The following MICU1 variants were observed in gnomAD, a reference collection of about 807,000 sequenced individuals.
The protein encoded by MICU1 is mitochondrial calcium uptake 1, also known as calcium uptake protein 1, mitochondrial.
Under a neutral mutation model 56.8 loss-of-function variants are expected in MICU1, and 45 were observed. The observed-to-expected ratio is 0.79, with a 90% CI of 0.62 to 1.02. MICU1 has a LOEUF of 1.02. Among genes scored for constraint, MICU1 ranks in the 50% least tolerant of loss-of-function variants. The pLI is 0.00. For missense variants in MICU1, 504 were observed against 587.1 expected (o/e 0.86, Z 1.46); for synonymous variants, 186 against 195.1 (o/e 0.95, Z 0.39).
intron 11 of MICU1, among the ~76,000 whole-genome samples, chr10:72,374,450 A>G (rs910165111): frequency 6.6e-6 from 1 of 152,198 alleles, no homozygotes; most frequent in Non-Finnish European, 1.5e-5. Context: ...AAATAACTCA[A>G]GTTCAACTTA....
At chr10:72,511,218 T>A (rs889228582) in intron 5 of MICU1, among the ~76,000 whole-genome samples, 1 of 152,194 alleles carries the variant, frequency 6.6e-6, no homozygotes, top group African/African-American at 2.4e-5. Flanking sequence ...AGGTTCACCA[T>A]GTTGTAGCAT....
intron 8 of MICU1, among the ~76,000 whole-genome samples, chr10:72,455,643 GAT>G (rs1472684953): frequency 6.6e-6 from 1 of 152,078 alleles, no homozygotes; most frequent in Non-Finnish European, 1.5e-5. Flanking sequence ...ATTTCCAAGT[GAT>G]ATTAATAGAC....
At chr10:72,595,447 C>CA (rs1255926638) in intron 1 of MICU1, among the ~76,000 whole-genome samples, 2,039 of 40,006 alleles carry the variant, frequency 0.051, 76 homozygotes, top group African/African-American at 0.13. Context: ...GACTCTGTCT[C>CA]AAAAAAAAAA....
intron 8 of MICU1, among the ~76,000 whole-genome samples, chr10:72,428,704 C>G (rs1864428639): frequency 6.6e-6 from 1 of 152,102 alleles, no homozygotes; most frequent in Non-Finnish European, 1.5e-5. Flanking sequence ...ACAGTCAGAC[C>G]AGGGAAAGGT....
At chr10:72,393,471 C>T (rs1019353038) in intron 10 of MICU1, among the ~76,000 whole-genome samples, 15 of 152,142 alleles carry the variant, frequency 9.9e-5, no homozygotes, top group Middle Eastern at 3.2e-3. Flanking sequence ...AAGGCCTTAA[C>T]TAACTCCAAT....
At chr10:72,523,880 T>C in intron 5 of MICU1, 1 of 1,519,226 alleles carries the variant, frequency 6.6e-7, no homozygotes, top group Non-Finnish European at 8.8e-7. Context: ...AAATATTTAG[T>C]TGCTTTTCCA....
chr10:72,541,230 A>G (rs1839767256), intron 4 of MICU1, among the ~76,000 whole-genome samples: 1 of 152,050 alleles, frequency 6.6e-6, no homozygotes, highest in Non-Finnish European at 1.5e-5. Flanking sequence ...CCTCCCTAAA[A>G]CTCCTTGCTC....
intron 4 of MICU1, among the ~76,000 whole-genome samples, chr10:72,544,776 T>A (rs80107217): frequency 6.6e-6 from 1 of 152,160 alleles, no homozygotes; most frequent in African/African-American, 2.4e-5. Flanking sequence ...ACAGAATATT[T>A]TTTTCCTTTT....
chr10:72,493,586 A>G (rs555801256), intron 6 of MICU1, among the ~76,000 whole-genome samples: 66 of 152,190 alleles, frequency 4.3e-4, no homozygotes, highest in Middle Eastern at 3.4e-3. Context: ...CTGAGTAGCT[A>G]GGACTATGGG....
chr10:72,509,355 C>A (rs1380469100), intron 5 of MICU1: 2 of 1,329,724 alleles, frequency 1.5e-6, no homozygotes, highest in African/African-American at 3.0e-5. Flanking sequence ...CCAACAAGCA[C>A]CATCACACCA....
intron 4 of MICU1, among the ~76,000 whole-genome samples, chr10:72,541,016 T>C (rs1181378708): frequency 3.3e-5 from 5 of 152,230 alleles, no homozygotes; most frequent in African/African-American, 1.2e-4. Context: ...AGAGCTCAGC[T>C]GAGAGCAGCA....
At chr10:72,394,888 CCTAA>C (rs1863195017) in intron 10 of MICU1, among the ~76,000 whole-genome samples, 1 of 151,552 alleles carries the variant, frequency 6.6e-6, no homozygotes, top group Non-Finnish European at 1.5e-5. Context: ...CTTTTAGAAA[CCTAA>C]CTATCTGGCC....
chr10:72,404,270 C>T (rs991792403), intron 10 of MICU1, among the ~76,000 whole-genome samples: 4 of 152,188 alleles, frequency 2.6e-5, no homozygotes, highest in African/African-American at 9.7e-5. Context: ...AGGCGTGAGC[C>T]ACCACGCCCA....
intron 1 of MICU1, among the ~76,000 whole-genome samples, chr10:72,621,703 C>T (rs1175832393): frequency 6.6e-6 from 1 of 151,986 alleles, no homozygotes; most frequent in East Asian, 1.9e-4. Context: ...AACAAGCTGG[C>T]TAATACATAA....
At chr10:72,424,974 T>C (rs1258963356) in intron 8 of MICU1, among the ~76,000 whole-genome samples, 1 of 152,254 alleles carries the variant, frequency 6.6e-6, no homozygotes. Flanking sequence ...CATCTTTCTA[T>C]AGAGCTGATA....
chr10:72,427,613 T>C (rs1174148740), intron 8 of MICU1, among the ~76,000 whole-genome samples: 2 of 151,922 alleles, frequency 1.3e-5, no homozygotes, highest in Non-Finnish European at 2.9e-5. Context: ...ATGATAAATT[T>C]TGGGGACCAG....
intron 8 of MICU1, among the ~76,000 whole-genome samples, chr10:72,458,933 T>C (rs1865564624): frequency 6.6e-6 from 1 of 150,634 alleles, no homozygotes; most frequent in Non-Finnish European, 1.5e-5. Context: ...CTTCCTATGT[T>C]GCCCAGGCTG....
At chr10:72,605,135 C>A (rs1309130797) in intron 1 of MICU1, among the ~76,000 whole-genome samples, 1 of 152,124 alleles carries the variant, frequency 6.6e-6, no homozygotes, top group East Asian at 1.9e-4. Flanking sequence ...GCCAGCCAAA[C>A]CCCACCAAAA....
intron 9 of MICU1, among the ~76,000 whole-genome samples, chr10:72,410,177 T>C (rs1863762363): frequency 1.3e-5 from 2 of 152,272 alleles, no homozygotes; most frequent in Non-Finnish European, 1.5e-5. Flanking sequence ...TTTTTGTGTG[T>C]ATCTGTAGTT....
Sources: allele counts gnomAD v4.1 joint callset (sites outside exome capture counted in the v4.1 genomes callset), GRCh38; gene constraint gnomAD v4.1.1; transcripts MANE v1.5; gene names NCBI Gene and HGNC (gene_info 2026-07-23, HGNC 2026-07-21).